The following PRKD2 variants were observed in gnomAD, a reference collection of about 807,000 sequenced individuals.
PRKD2 encodes serine/threonine-protein kinase D2.
A neutral mutation model predicts 86.0 loss-of-function variants in PRKD2; 22 were observed. The ratio of observed to expected loss-of-function variants is 0.26; its 90% confidence interval spans 0.18 to 0.37. The LOEUF (loss-of-function observed/expected upper bound fraction) is 0.37, where lower values mean the gene tolerates loss of function less well. Ranked by LOEUF, PRKD2 falls within the 10% of genes least tolerant of loss-of-function variation. The probability of loss-of-function intolerance (pLI) is 1.00; values close to 1 mark genes in which losing one functional copy is unlikely to be tolerated. For missense variants in PRKD2, 818 were observed against 1,199.2 expected (o/e 0.68, Z 4.70); for synonymous variants, 509 against 510.9 (o/e 1.00, Z 0.05).
At chr19:46,679,905 A>AT (rs2053270530) in intron 15 of PRKD2, among the ~76,000 whole-genome samples, 1 of 152,112 alleles carries the variant, frequency 6.6e-6, no homozygotes, top group Non-Finnish European at 1.5e-5. Context: ...GATTACAGGC[A>AT]TGAGACACCA....
chr19:46,716,122 C>G lies in PRKD2; in HGVS notation c.240+9G>C. On this transcript the variant is annotated intron_variant, in intron 1 of 17. Transcript: ENST00000291281. The surrounding 1 kb of genome is among the most constrained non-coding windows in gnomAD (Gnocchi z 7.9). ...CCCCGAGCTGGATCCAGGGAGCCTG[C>G]GCCCTCACCTTCTGGTCCACGATGG... The G allele has an allele frequency of 1.2e-6, 2 of 1,607,832 alleles. No homozygotes were observed. Among genetic ancestry groups the G allele is most frequent in the Non-Finnish European group, 1.7e-6 (2 of 1,177,886 alleles).
rs1279702203 is a variant in PRKD2 at position 46,704,595 on chromosome 19, C to G, written c.566G>C (p.Ser189Thr). 3 of 1,613,798 alleles carry G rather than the reference C, an allele frequency of 1.9e-6. No individual in the cohort carries two copies. In the East Asian group the frequency reaches 6.7e-5, roughly 36 times the overall value. ...TGACAGGCGCCGTTTGCGGGCCCCA[C>G]TACAGTTGTTGGGGATGCTGAAGGC... ...RCAFSIPNNCSGARKRRLSST... is the reference protein window; with the variant it reads ...RCAFSIPNNCTGARKRRLSST... The change falls in exon 4 of 18, where the codon AGT becomes ACT. Residue 189 changes from serine to threonine, a missense_variant. Ser to Thr is a moderately conservative substitution (Grantham distance 58). This residue lies in a region of PRKD2 where 403 missense variants were observed against 518.6 expected (regional missense o/e 0.78). Coordinates refer to ENST00000291281, the MANE Select transcript of PRKD2 (RefSeq NM_016457.5).
intron 16 of PRKD2, among the ~76,000 whole-genome samples, chr19:46,675,784 T>TC (rs2053192168): frequency 6.6e-6 from 1 of 151,760 alleles, no homozygotes; most frequent in Non-Finnish European, 1.5e-5. Flanking sequence ...TTTTTTTTTT[T>TC]TGAGACAGGG....
intron 3 of PRKD2, among the ~76,000 whole-genome samples, chr19:46,705,005 C>T (rs2053694112): frequency 6.6e-6 from 1 of 151,814 alleles, no homozygotes; most frequent in Non-Finnish European, 1.5e-5. Context: ...CCCATCTGTC[C>T]CCCAGACCCT....
At position 46,691,820 on chromosome 19, in the gene PRKD2, G is replaced by A. The variant is rs1193072446; in HGVS notation, c.1630-13C>T. On this transcript the variant is annotated splice_polypyrimidine_tract_variant and intron_variant, in intron 11 of 17. Coordinates refer to ENST00000291281, the MANE Select transcript of PRKD2 (RefSeq NM_016457.5). Reference sequence around the variant, plus strand: ...CAGTGGCAATGTCCTACAGGGTGAAGACAGGGCAGGTCAGGGGTGCAAATG... The same window carrying A: ...CAGTGGCAATGTCCTACAGGGTGAAAACAGGGCAGGTCAGGGGTGCAAATG... The A allele has an allele frequency of 6.2e-7, 1 of 1,614,132 alleles. No individual in the cohort carries two copies. The highest frequency in any genetic ancestry group is 1.7e-5 in the Admixed American group (1 of 60,010).
At chr19:46,700,024 T>G (rs1409400914) in intron 7 of PRKD2, among the ~76,000 whole-genome samples, 1 of 150,890 alleles carries the variant, frequency 6.6e-6, no homozygotes, top group Non-Finnish European at 1.5e-5. Context: ...TTACCTGAGG[T>G]TGGGAGTTCA....
At chr19:46,696,301 G>A (rs2053556558) in intron 9 of PRKD2, among the ~76,000 whole-genome samples, 1 of 152,074 alleles carries the variant, frequency 6.6e-6, no homozygotes, top group African/African-American at 2.4e-5. Context: ...CGGTTTTAAT[G>A]AAGACTCCCC....
In PRKD2 at chr19:46,687,024, A is replaced by G. The variant is rs191563991; in HGVS notation, c.1971+2513T>C. On this transcript the variant is annotated intron_variant, in intron 14 of 17. Transcript: ENST00000291281. ...CTAAATATAAAATAAAGAGGCAAAC[A>G]CTGGGATAAAACCATTGAACAATAT... 2.6e-5 allele frequency among the ~76,000 whole-genome samples: 4 copies of G among 152,200 alleles called. No individual in the cohort carries two copies. The East Asian group carries it at 7.7e-4, about 29-fold the overall frequency.
intron 3 of PRKD2, among the ~76,000 whole-genome samples, chr19:46,708,970 TG>T (rs202122674): frequency 0.037 from 3,581 of 98,104 alleles, 198 homozygotes; most frequent in African/African-American, 0.1. Flanking sequence ...GGTTTGTTTG[TG>T]GTTTTTTTTT....
intron 5 of PRKD2, among the ~76,000 whole-genome samples, chr19:46,703,431 A>G (rs1391598418): frequency 6.6e-6 from 1 of 152,018 alleles, no homozygotes; most frequent in Non-Finnish European, 1.5e-5. Context: ...GTTCAAGACC[A>G]GCCTGAACAA....
At chr19:46,713,064 G>A (rs1166121686) in intron 2 of PRKD2, among the ~76,000 whole-genome samples, 1 of 151,712 alleles carries the variant, frequency 6.6e-6, no homozygotes, top group East Asian at 1.9e-4. Context: ...TGTTGCCCAG[G>A]CTGGAGTGCA....
rs1386246308 is a variant in PRKD2, at chr19:46,704,213, T to C, written c.845A>G (p.Lys282Arg). 6.2e-7 allele frequency: 1 copy of C among 1,614,182 alleles called. No individual in the cohort carries two copies. The highest frequency in any genetic ancestry group is 8.5e-7 in the Non-Finnish European group (1 of 1,180,016). ...CCGGAAGAGGCCCTTGAGGAGTTTC[T>C]TGCAAGCCTGGCAAACGGTGGGCCG... ...YTRPTVCQAC[K>R]KLLKGLFRQG... The change falls in exon 5 of 18, where the codon AAG becomes AGG. Residue 282 changes from lysine to arginine, a missense_variant. Coordinates refer to ENST00000291281, the MANE Select transcript of PRKD2 (RefSeq NM_016457.5).
chr19:46,689,295 G>GT (rs1406172941), intron 14 of PRKD2, among the ~76,000 whole-genome samples: 2 of 151,746 alleles, frequency 1.3e-5, no homozygotes, highest in African/African-American at 4.8e-5. Flanking sequence ...CTAATTTTTT[G>GT]TATTTCTAGT....
At chr19:46,680,135 G>C (rs1270190780) in intron 15 of PRKD2, among the ~76,000 whole-genome samples, 3 of 152,084 alleles carry the variant, frequency 2.0e-5, no homozygotes, top group Non-Finnish European at 4.4e-5. Context: ...TGAAGCCTCT[G>C]TCACCTTTGA....
At chr19:46,683,481 G>C (rs2053345108) in intron 14 of PRKD2, among the ~76,000 whole-genome samples, 1 of 152,134 alleles carries the variant, frequency 6.6e-6, no homozygotes, top group Non-Finnish European at 1.5e-5. Context: ...CAGCACTTTG[G>C]AAGGCTGAGG....
chr19:46,716,414 C>T lies in PRKD2; in HGVS notation c.-44G>A, dbSNP rs1568741898. 3 of 1,104,918 alleles carry T rather than the reference C, an allele frequency of 2.7e-6. No homozygotes were observed. Among genetic ancestry groups the T allele is most frequent in the Non-Finnish European group, 3.5e-6 (3 of 858,954 alleles). 68.4% of individuals were successfully genotyped at this position (1,104,918 alleles called of 1,614,324 possible). On this transcript the variant is annotated 5_prime_UTR_variant, in exon 1 of 18. Coordinates refer to ENST00000291281, the MANE Select transcript of PRKD2 (RefSeq NM_016457.5). The surrounding 1 kb of genome is among the most constrained non-coding windows in gnomAD (Gnocchi z 7.9). The stretch of plus-strand genomic sequence containing the variant: ...GGCCGCCTGGAGCCCACCCGGGACC[C>T]GGCCGGGGGGCCCCGGGGGACCCTG...
chr19:46,679,209 G>A (rs146609925), intron 15 of PRKD2, among the ~76,000 whole-genome samples: 22 of 152,040 alleles, frequency 1.4e-4, no homozygotes, highest in East Asian at 3.9e-4. Context: ...ACACGCCTGC[G>A]GTCCCAGCTA....
Position 46,674,541 on chromosome 19 carries a change from C to T in PRKD2, c.2619G>A (p.Glu873=). 6.2e-7 allele frequency: 1 copy of T among 1,612,904 alleles called. No homozygotes were observed. Among genetic ancestry groups the T allele is most frequent in the Admixed American group, 1.7e-5 (1 of 59,950 alleles). Residue 873 remains glutamate (E), a synonymous_variant, in exon 18 of 18, where the codon GAG becomes GAA. Coordinates refer to ENST00000291281, the MANE Select transcript of PRKD2 (RefSeq NM_016457.5). ...CAGGACCTCAGAGAACACTGATGCG[C>T]TCCGCCAGCCCCTGCATGTCGTGGT... ...PQDHDMQGLA[E]RISVL is the part of the protein sequence containing the mutation.
chr19:46,674,671 T>A lies in PRKD2; in HGVS notation c.2489A>T (p.His830Leu). Residue 830 changes from histidine to leucine, a missense_variant, in exon 18 of 18, where the codon CAT becomes CTT. Coordinates refer to ENST00000291281, the MANE Select transcript of PRKD2 (RefSeq NM_016457.5). ...EGKMGERYIT[H>L]ESDDARWEQF... ...CTCCCAGCGCGCGTCGTCACTCTCA[T>A]GCGTGATGTATCGCTCTCCCATCTT... 6.2e-7 allele frequency: 1 copy of A among 1,606,418 alleles called. No individual in the cohort carries two copies. Among genetic ancestry groups the A allele is most frequent in the Middle Eastern group, 1.6e-4 (1 of 6,062 alleles).
Sources: allele counts gnomAD v4.1 joint callset (sites outside exome capture counted in the v4.1 genomes callset), GRCh38; gene constraint gnomAD v4.1.1; regional missense constraint gnomAD v4.1.1; non-coding constraint Gnocchi (gnomAD v3.1); transcripts MANE v1.5; gene names NCBI Gene and HGNC (gene_info 2026-07-23, HGNC 2026-07-21).